Variants in FAM135B observed in about 807,000 individuals in gnomAD.
FAM135B encodes the protein family with sequence similarity 135 member B.
Under a neutral mutation model 127.7 loss-of-function variants are expected in FAM135B, and 43 were observed. The ratio of observed to expected loss-of-function variants is 0.34; its 90% CI spans 0.26 to 0.43. The LOEUF (loss-of-function observed/expected upper bound fraction) is 0.43. FAM135B is among the 20% of genes least tolerant of loss of function. FAM135B has a pLI of 1.00. For synonymous variants in FAM135B, 670 were observed against 665.1 expected (o/e 1.01, Z -0.11); for missense variants, 1,558 against 1,725.6 (o/e 0.90, Z 1.72).
intron 12 of FAM135B, among the ~76,000 whole-genome samples, chr8:138,164,094 G>C (rs1819671640): frequency 6.6e-6 from 1 of 152,180 alleles, no homozygotes; most frequent in South Asian, 2.1e-4. Context: ...TCATGGCAAG[G>C]CGTAAGTATT....
At chr8:138,442,260 A>AT (rs1296709259) in intron 1 of FAM135B, among the ~76,000 whole-genome samples, 1 of 126,718 alleles carries the variant, frequency 7.9e-6, no homozygotes, top group African/African-American at 2.9e-5. Context: ...ATATATATAT[A>AT]TATATATATA....
intron 7 of FAM135B, among the ~76,000 whole-genome samples, chr8:138,234,412 A>C (rs983338595): frequency 6.6e-6 from 1 of 152,154 alleles, no homozygotes; most frequent in Non-Finnish European, 1.5e-5. Context: ...AGAAATCTGC[A>C]CTCCCTTGTT....
At chr8:138,191,084 A>T (rs1051202106) in intron 9 of FAM135B, among the ~76,000 whole-genome samples, 1 of 152,178 alleles carries the variant, frequency 6.6e-6, no homozygotes, top group Non-Finnish European at 1.5e-5. Flanking sequence ...CTAATATTTT[A>T]TGGAGTTTGA....
At chr8:138,157,414 C>T (rs1040363753) in intron 12 of FAM135B, among the ~76,000 whole-genome samples, 3 of 152,198 alleles carry the variant, frequency 2.0e-5, no homozygotes, top group Non-Finnish European at 4.4e-5. Flanking sequence ...TCTCACCACT[C>T]CTACTCAACA....
At chr8:138,320,315 T>C (rs1392754014) in intron 2 of FAM135B, among the ~76,000 whole-genome samples, 1 of 152,156 alleles carries the variant, frequency 6.6e-6, no homozygotes, top group Non-Finnish European at 1.5e-5. Flanking sequence ...AGAAGTTAGG[T>C]AATTTGCCCA....
intron 7 of FAM135B, among the ~76,000 whole-genome samples, chr8:138,229,376 G>C (rs1057432143): frequency 6.6e-6 from 1 of 152,074 alleles, no homozygotes; most frequent in African/African-American, 2.4e-5. Context: ...CTATAATACA[G>C]ATGTTAATGA....
chr8:138,363,612 T>C (rs1393864469), intron 2 of FAM135B, among the ~76,000 whole-genome samples: 1 of 152,192 alleles, frequency 6.6e-6, no homozygotes, highest in Non-Finnish European at 1.5e-5. Context: ...GATGAAGGCA[T>C]GTTGACTGTT....
intron 3 of FAM135B, among the ~76,000 whole-genome samples, chr8:138,281,477 A>AC (rs1554651726): frequency 1.6e-5 from 2 of 121,760 alleles, no homozygotes; most frequent in African/African-American, 2.8e-5. Context: ...AAAAAAAAAA[A>AC]ATCCTATTGA....
At chr8:138,470,273 C>T (rs900564057) in intron 1 of FAM135B, among the ~76,000 whole-genome samples, 3 of 152,010 alleles carry the variant, frequency 2.0e-5, no homozygotes, top group Admixed American at 2.0e-4. Context: ...AACAAATGCA[C>T]CAGGAAAGGC....
At chr8:138,338,995 C>G (rs907230187) in intron 2 of FAM135B, among the ~76,000 whole-genome samples, 1 of 151,180 alleles carries the variant, frequency 6.6e-6, no homozygotes, top group Admixed American at 6.6e-5. Flanking sequence ...TCATTCTCAG[C>G]AAACTATCGC....
chr8:138,207,703 C>T (rs898794266), intron 7 of FAM135B, among the ~76,000 whole-genome samples: 4 of 152,144 alleles, frequency 2.6e-5, no homozygotes, highest in Non-Finnish European at 5.9e-5. Flanking sequence ...CTTTTCAACA[C>T]GGAGGGACAC....
rs376676680 is a variant in FAM135B at position 138,182,082 on chromosome 8, T to C, written c.874-3392A>G. The stretch of plus-strand genomic sequence containing the variant: ...CTTGTTCCCTCACTCACAGCACCAC[T>C]ACCACGCTGCCACCACAGTGGCACC... On this transcript the variant is annotated intron_variant, in intron 9 of 19. Transcript: ENST00000395297. Among the ~76,000 whole-genome samples the C allele has an allele frequency of 1.5e-3, 236 of 152,266 alleles. 10 individuals are homozygous for C. The South Asian group carries it at 0.048, about 31-fold the overall frequency.
chr8:138,187,963 A>C (rs898047405), intron 9 of FAM135B, among the ~76,000 whole-genome samples: 2 of 152,182 alleles, frequency 1.3e-5, no homozygotes, highest in Non-Finnish European at 2.9e-5. Context: ...AAAACCTTTA[A>C]GGGATGGGTC....
At chr8:138,272,374 A>C (rs1823452258) in intron 3 of FAM135B, among the ~76,000 whole-genome samples, 1 of 152,188 alleles carries the variant, frequency 6.6e-6, no homozygotes, top group African/African-American at 2.4e-5. Flanking sequence ...GATAGTTCTA[A>C]TATCCAGAAT....
At chr8:138,368,447 T>C (rs1047057779) in intron 1 of FAM135B, among the ~76,000 whole-genome samples, 2 of 152,174 alleles carry the variant, frequency 1.3e-5, no homozygotes, top group Non-Finnish European at 2.9e-5. Context: ...GCACATAACA[T>C]TGATAAATGG....
chr8:138,365,273 T>C (rs973034022), intron 2 of FAM135B, among the ~76,000 whole-genome samples: 1 of 152,180 alleles, frequency 6.6e-6, no homozygotes, highest in African/African-American at 2.4e-5. Flanking sequence ...CCCAAAAACA[T>C]ACTGATCTAG....
chr8:138,409,577 C>A (rs976805224), intron 1 of FAM135B, among the ~76,000 whole-genome samples: 4 of 151,966 alleles, frequency 2.6e-5, no homozygotes, highest in Non-Finnish European at 4.4e-5. Context: ...CTAGGAAGGA[C>A]AATAAAGTAA....
chr8:138,201,571 G>A (rs182761283), intron 7 of FAM135B, among the ~76,000 whole-genome samples: 14 of 152,286 alleles, frequency 9.2e-5, no homozygotes, highest in African/African-American at 2.2e-4. Flanking sequence ...AGTCAGTCGG[G>A]CAGACCTGCA....
chr8:138,357,701 CTCTT>C, intron 2 of FAM135B, among the ~76,000 whole-genome samples: 1 of 152,246 alleles, frequency 6.6e-6, no homozygotes, highest in East Asian at 1.9e-4. Flanking sequence ...GGATCCCACT[CTCTT>C]TCTTATACCT....
Sources: allele counts gnomAD v4.1 joint callset (sites outside exome capture counted in the v4.1 genomes callset), GRCh38; gene constraint gnomAD v4.1.1; transcripts MANE v1.5; gene names NCBI Gene and HGNC (gene_info 2026-07-23, HGNC 2026-07-21).